The following AGBL4 variants were observed in gnomAD, a reference collection of about 807,000 sequenced individuals.
AGBL4 encodes cytosolic carboxypeptidase 6.
In AGBL4, 58 loss-of-function variants were observed where a neutral mutation model predicts 66.4. That is an observed-to-expected ratio of 0.87 (90% confidence interval 0.71 to 1.09). AGBL4 has a LOEUF of 1.09. AGBL4 is among the 50% of genes least tolerant of loss of function. AGBL4 has a pLI of 0.00. For missense variants in AGBL4, 579 were observed against 631.0 expected (o/e 0.92, Z 0.88); for synonymous variants, 234 against 222.9 (o/e 1.05, Z -0.44).
At chr1:49,285,693 C>T (rs1032214537) in intron 3 of AGBL4, among the ~76,000 whole-genome samples, 1 of 152,074 alleles carries the variant, frequency 6.6e-6, no homozygotes, top group Non-Finnish European at 1.5e-5. Context: ...GGGGATATCA[C>T]CACCAATCCC....
At chr1:48,828,604 T>C (rs932143811) in intron 6 of AGBL4, among the ~76,000 whole-genome samples, 1 of 152,218 alleles carries the variant, frequency 6.6e-6, no homozygotes, top group Non-Finnish European at 1.5e-5. Flanking sequence ...TACATTCAGA[T>C]TTAGATGAAA....
intron 1 of AGBL4, among the ~76,000 whole-genome samples, chr1:49,956,491 T>G (rs1164888714): frequency 2.6e-5 from 4 of 151,874 alleles, no homozygotes; most frequent in African/African-American, 9.7e-5. Context: ...TATTTCATAA[T>G]ATATCAAAAA....
At chr1:48,789,713 A>G (rs1488222540) in intron 6 of AGBL4, among the ~76,000 whole-genome samples, 2 of 152,158 alleles carry the variant, frequency 1.3e-5, no homozygotes, top group Non-Finnish European at 2.9e-5. Context: ...AGGGAGGGAG[A>G]CATACGTTAA....
At chr1:49,154,986 T>C (rs1018324339) in intron 4 of AGBL4, among the ~76,000 whole-genome samples, 32 of 152,218 alleles carry the variant, frequency 2.1e-4, no homozygotes. Context: ...TAAATGCTTT[T>C]GCCCATCTGA....
chr1:48,724,921 G>A (rs1431816543), intron 6 of AGBL4, among the ~76,000 whole-genome samples: 4 of 152,264 alleles, frequency 2.6e-5, no homozygotes, highest in African/African-American at 7.2e-5. Context: ...ATTCAGTATT[G>A]ACAGTCTTCT....
At chr1:50,003,423 GACTT>G (rs1399486366) in intron 1 of AGBL4, among the ~76,000 whole-genome samples, 1 of 152,176 alleles carries the variant, frequency 6.6e-6, no homozygotes, top group Admixed American at 6.5e-5. Context: ...TTTAAGCCTT[GACTT>G]ACTATTTTTA....
At chr1:48,612,637 G>A (rs1480773617) in intron 9 of AGBL4, among the ~76,000 whole-genome samples, 2 of 152,206 alleles carry the variant, frequency 1.3e-5, no homozygotes, top group Non-Finnish European at 2.9e-5. Flanking sequence ...CCTACAGACA[G>A]ATTTTAGTAT....
intron 2 of AGBL4, among the ~76,000 whole-genome samples, chr1:49,719,599 A>G (rs528386736): frequency 2.2e-4 from 34 of 152,268 alleles, no homozygotes; most frequent in African/African-American, 7.9e-4. Context: ...TTAAATAATA[A>G]CAAGCAATGC....
chr1:48,897,096 G>T (rs542379225), intron 5 of AGBL4, among the ~76,000 whole-genome samples: 3 of 152,194 alleles, frequency 2.0e-5, no homozygotes, highest in Non-Finnish European at 2.9e-5. Context: ...CAGTTCAGTG[G>T]TAATAAATAC....
At chr1:48,614,545 C>T (rs1462433446) in intron 9 of AGBL4, among the ~76,000 whole-genome samples, 2 of 152,190 alleles carry the variant, frequency 1.3e-5, no homozygotes, top group African/African-American at 4.8e-5. Flanking sequence ...GAGAAGGTGC[C>T]TGCACACTGC....
chr1:48,708,728 A>G (rs1020319319), intron 6 of AGBL4, among the ~76,000 whole-genome samples: 5 of 152,230 alleles, frequency 3.3e-5, no homozygotes, highest in African/African-American at 1.2e-4. Context: ...AAAGCCTCCA[A>G]AATACGATAG....
At position 49,917,265 on chromosome 1, in the gene AGBL4, G is replaced by T. The variant is rs1026466996; in HGVS notation, c.35-65747C>A. On this transcript the variant is annotated intron_variant, in intron 1 of 13. Transcript: ENST00000371839. ...AACCTTAAATGTAAATGGAATAAATGCTCCACTTAAAAGACACAGACTGGC... is the reference window on the plus strand; with the variant it reads ...AACCTTAAATGTAAATGGAATAAATTCTCCACTTAAAAGACACAGACTGGC... Among the ~76,000 whole-genome samples, 43 of 151,814 alleles carry T rather than the reference G, an allele frequency of 2.8e-4. 1 individual carries two copies. The highest frequency in any genetic ancestry group is 1.0e-4 in the Non-Finnish European group (7 of 67,992).
chr1:49,328,739 T>C (rs1484826356), intron 3 of AGBL4, among the ~76,000 whole-genome samples: 2 of 152,130 alleles, frequency 1.3e-5, no homozygotes, highest in African/African-American at 4.8e-5. Context: ...TATTCCCCAA[T>C]ACCTTCCACT....
chr1:49,131,903 A>G (rs1645905737), intron 4 of AGBL4, among the ~76,000 whole-genome samples: 1 of 152,088 alleles, frequency 6.6e-6, no homozygotes, highest in Admixed American at 6.6e-5. Context: ...AGTGCCTATA[A>G]TACATCAAAG....
chr1:49,453,858 C>T (rs940119929), intron 3 of AGBL4, among the ~76,000 whole-genome samples: 7 of 151,774 alleles, frequency 4.6e-5, no homozygotes, highest in African/African-American at 1.7e-4. Context: ...AAATGGAAGG[C>T]AGATCTAAGC....
At chr1:48,796,207 A>T (rs1255024158) in intron 6 of AGBL4, among the ~76,000 whole-genome samples, 1 of 152,148 alleles carries the variant, frequency 6.6e-6, no homozygotes. Flanking sequence ...ACTTTTTCTA[A>T]CCCTACACTT....
intron 3 of AGBL4, among the ~76,000 whole-genome samples, chr1:49,482,333 G>A (rs946778728): frequency 2.6e-5 from 4 of 151,800 alleles, no homozygotes; most frequent in East Asian, 1.9e-4. Context: ...TGGGCTGATC[G>A]GAAATTCAGT....
chr1:49,582,222 T>C (rs569837199), intron 3 of AGBL4, among the ~76,000 whole-genome samples: 19 of 152,274 alleles, frequency 1.2e-4, no homozygotes, highest in African/African-American at 4.3e-4. Flanking sequence ...GGCCTCCTGA[T>C]GGCAAGTGCA....
intron 3 of AGBL4, among the ~76,000 whole-genome samples, chr1:49,263,359 C>CA (rs1180443101): frequency 2.0e-5 from 3 of 150,516 alleles, no homozygotes; most frequent in East Asian, 1.9e-4. Context: ...TTCTGAAAAA[C>CA]AAAAAAAGAT....
Sources: gnomAD v4.1 joint callset for allele counts (sites outside exome capture counted in the v4.1 genomes callset) on GRCh38, gnomAD v4.1.1 for gene constraint, MANE v1.5 for transcripts, NCBI Gene and HGNC (gene_info 2026-07-23, HGNC 2026-07-21) for gene names.